The following GPC6 variants were observed in gnomAD, a reference collection of about 807,000 sequenced individuals.
The protein encoded by GPC6 is glypican 6.
A neutral mutation model predicts 55.2 loss-of-function variants in GPC6; 14 were observed. That is an observed-to-expected ratio of 0.25 (90% CI 0.17 to 0.40). The LOEUF is 0.40. Ranked by LOEUF, GPC6 falls within the 10% of genes least tolerant of loss-of-function variation. The probability of loss-of-function intolerance (pLI) is 1.00; values close to 1 mark genes in which losing one functional copy is unlikely to be tolerated. For synonymous variants in GPC6, 278 were observed against 259.6 expected (o/e 1.07, Z -0.68); for missense variants, 641 against 708.5 (o/e 0.90, Z 1.08).
intron 3 of GPC6, among the ~76,000 whole-genome samples, chr13:94,018,232 A>G (rs1448858833): frequency 6.6e-6 from 1 of 150,692 alleles, no homozygotes; most frequent in Non-Finnish European, 1.5e-5. Flanking sequence ...ACAGTTTCTT[A>G]TGTTGAATCA....
intron 2 of GPC6, among the ~76,000 whole-genome samples, chr13:93,679,853 T>A (rs1285837214): frequency 2.6e-5 from 4 of 151,058 alleles, no homozygotes; most frequent in African/African-American, 9.7e-5. Context: ...AACAAAGCAG[T>A]CACTGTCCCC....
At chr13:93,527,653 C>T (rs575863528) in intron 1 of GPC6, among the ~76,000 whole-genome samples, 2 of 152,054 alleles carry the variant, frequency 1.3e-5, no homozygotes, top group Non-Finnish European at 2.9e-5. Context: ...AGAAAGAGAC[C>T]TCTTGCCCTT....
At chr13:94,002,780 G>C (rs907514407) in intron 3 of GPC6, among the ~76,000 whole-genome samples, 7 of 152,102 alleles carry the variant, frequency 4.6e-5, no homozygotes, top group African/African-American at 1.4e-4. Flanking sequence ...CCTTAAGGGA[G>C]CACAAAGATC....
chr13:93,535,323 T>G (rs970070214), intron 1 of GPC6, among the ~76,000 whole-genome samples: 2 of 152,164 alleles, frequency 1.3e-5, no homozygotes, highest in African/African-American at 4.8e-5. Context: ...AGAAGGTAGT[T>G]CTGCTGAGAA....
At chr13:93,879,274 T>A (rs1377818958) in intron 3 of GPC6, among the ~76,000 whole-genome samples, 1 of 152,056 alleles carries the variant, frequency 6.6e-6, no homozygotes, top group African/African-American at 2.4e-5. Flanking sequence ...TTGCCTTTGG[T>A]TTGAAAGCTG....
chr13:93,805,766 T>C (rs1239014529), intron 2 of GPC6, among the ~76,000 whole-genome samples: 1 of 152,228 alleles, frequency 6.6e-6, no homozygotes, highest in African/African-American at 2.4e-5. Flanking sequence ...GGCTTATCTA[T>C]CAATTAGGTT....
chr13:94,039,261 G>GT (rs1182101489), intron 4 of GPC6, among the ~76,000 whole-genome samples: 2 of 151,880 alleles, frequency 1.3e-5, no homozygotes, highest in African/African-American at 2.4e-5. Flanking sequence ...AAGGCACAGG[G>GT]TTTTTTTATC....
At chr13:93,561,672 G>A (rs1594268871) in intron 2 of GPC6, among the ~76,000 whole-genome samples, 1 of 151,920 alleles carries the variant, frequency 6.6e-6, no homozygotes, top group Admixed American at 6.6e-5. Flanking sequence ...TGATAACTTA[G>A]AAAGACTCTC....
chr13:93,842,968 T>C (rs985270245), intron 3 of GPC6, among the ~76,000 whole-genome samples: 9 of 152,108 alleles, frequency 5.9e-5, no homozygotes, highest in African/African-American at 1.4e-4. Context: ...GTTTTATTTC[T>C]AGTATATCTC....
At chr13:93,824,214 C>A (rs1887154943) in intron 2 of GPC6, among the ~76,000 whole-genome samples, 1 of 151,934 alleles carries the variant, frequency 6.6e-6, no homozygotes. Flanking sequence ...TTTAAAAAAA[C>A]TGTATGAGTG....
intron 2 of GPC6, among the ~76,000 whole-genome samples, chr13:93,615,460 C>T (rs1353503903): frequency 6.6e-6 from 1 of 152,110 alleles, no homozygotes; most frequent in Non-Finnish European, 1.5e-5. Context: ...GTAACTGATG[C>T]CAGGCAGTTT....
At chr13:93,289,771 A>G (rs915788564) in intron 1 of GPC6, among the ~76,000 whole-genome samples, 1 of 152,152 alleles carries the variant, frequency 6.6e-6, no homozygotes, top group Non-Finnish European at 1.5e-5. Context: ...GGATTTGTTT[A>G]TTGTATACAG....
chr13:93,377,709 C>G (rs567874617), intron 1 of GPC6, among the ~76,000 whole-genome samples: 3 of 152,278 alleles, frequency 2.0e-5, no homozygotes, highest in Non-Finnish European at 4.4e-5. Context: ...GATGAACACC[C>G]TGATTTTAAA....
At chr13:94,123,338 A>G (rs1345172546) in intron 4 of GPC6, among the ~76,000 whole-genome samples, 3 of 152,102 alleles carry the variant, frequency 2.0e-5, no homozygotes, top group East Asian at 1.9e-4. Context: ...TTAAGAAACC[A>G]AAACACTTTG....
At chr13:94,337,708 A>G (rs1877790376) in intron 6 of GPC6, among the ~76,000 whole-genome samples, 1 of 152,188 alleles carries the variant, frequency 6.6e-6, no homozygotes, top group Admixed American at 6.5e-5. Flanking sequence ...TTGGCCTCCC[A>G]AAGTGCTGGG....
At chr13:93,801,231 T>G (rs1485205830) in intron 2 of GPC6, among the ~76,000 whole-genome samples, 1 of 152,218 alleles carries the variant, frequency 6.6e-6, no homozygotes, top group Non-Finnish European at 1.5e-5. Flanking sequence ...GTCAGAGGGT[T>G]GTGTCACTGG....
chr13:94,047,730 C>T (rs1288881961), intron 4 of GPC6, among the ~76,000 whole-genome samples: 1 of 152,122 alleles, frequency 6.6e-6, no homozygotes, highest in Non-Finnish European at 1.5e-5. Flanking sequence ...TTAAAAGCCT[C>T]TTTAAATTAC....
At chr13:93,559,799 C>G (rs1352801098) in intron 2 of GPC6, among the ~76,000 whole-genome samples, 1 of 152,164 alleles carries the variant, frequency 6.6e-6, no homozygotes, top group Non-Finnish European at 1.5e-5. Flanking sequence ...TACACAGTAG[C>G]ATGGGGTACC....
chr13:93,952,538 T>C (rs1879296380), intron 3 of GPC6, among the ~76,000 whole-genome samples: 1 of 151,984 alleles, frequency 6.6e-6, no homozygotes, highest in African/African-American at 2.4e-5. Context: ...TCTTGTATCA[T>C]TTATCTTTTA....
Sources: allele counts gnomAD v4.1 joint callset (sites outside exome capture counted in the v4.1 genomes callset), GRCh38; gene constraint gnomAD v4.1.1; transcripts MANE v1.5; gene names NCBI Gene and HGNC (gene_info 2026-07-23, HGNC 2026-07-21).